MAP7: variants seen among roughly 807,000 people sequenced by gnomAD.
The protein encoded by MAP7 is ensconsin.
Under a neutral mutation model 94.8 loss-of-function variants are expected in MAP7, and 52 were observed. That is an observed-to-expected ratio of 0.55 (90% CI 0.44 to 0.69). The LOEUF (loss-of-function observed/expected upper bound fraction) is 0.69, where lower values mean the gene tolerates loss of function less well. Ranked by LOEUF, MAP7 falls within the 30% of genes least tolerant of loss-of-function variation. MAP7 has a pLI of 0.00. For missense variants in MAP7, 940 were observed against 964.6 expected (o/e 0.97, Z 0.34); for synonymous variants, 350 against 357.0 (o/e 0.98, Z 0.22).
At chr6:136,361,213 A>C (rs1273143015) in intron 11 of MAP7, 34 bp from the exon 12 acceptor site, 1 of 1,598,550 alleles carries the variant, frequency 6.3e-7, no homozygotes. Flanking sequence ...AAAACCAAAG[A>C]CACCTGAGGA....
At chr6:136,344,368 G>A (rs952386702) in intron 17 of MAP7, 130 bp from the exon 18 acceptor site, 1 of 372,714 alleles carries the variant, frequency 2.7e-6, no homozygotes, top group Non-Finnish European at 4.8e-6. Flanking sequence ...TATAAGAATA[G>A]GCAATTCTGT....
intron 1 of MAP7, among the ~76,000 whole-genome samples, chr6:136,460,998 A>G (rs1805015207): frequency 6.6e-6 from 1 of 152,196 alleles, no homozygotes; most frequent in South Asian, 2.1e-4. Context: ...CATAACTTAC[A>G]TGAAAAGGCT....
intron 17 of MAP7, among the ~76,000 whole-genome samples, chr6:136,345,645 G>A (rs1401740228): frequency 1.3e-5 from 2 of 152,212 alleles, no homozygotes; most frequent in Non-Finnish European, 2.9e-5. Context: ...CTTCTGCACT[G>A]ACTGAGAGAA....
intron 16 of MAP7, among the ~76,000 whole-genome samples, chr6:136,355,049 C>T (rs931560589): frequency 6.6e-6 from 1 of 152,062 alleles, no homozygotes; most frequent in Non-Finnish European, 1.5e-5. Context: ...TATGATGAAA[C>T]CCATCTCTAC....
chr6:136,440,204 G>A (rs567863771), intron 1 of MAP7, among the ~76,000 whole-genome samples: 1 of 152,346 alleles, frequency 6.6e-6, no homozygotes, highest in Admixed American at 6.5e-5. Context: ...AATATTTAAT[G>A]AGCAGTCACT....
chr6:136,395,177 T>C (rs1782078769), intron 3 of MAP7, among the ~76,000 whole-genome samples: 1 of 151,376 alleles, frequency 6.6e-6, no homozygotes, highest in African/African-American at 2.4e-5. Flanking sequence ...CTAATTTACA[T>C]TCCTATAGCA....
intron 7 of MAP7, 91 bp downstream of exon 7, chr6:136,377,664 C>A (rs1041592081): frequency 3.2e-6 from 3 of 943,092 alleles, no homozygotes; most frequent in Non-Finnish European, 3.4e-6. Context: ...GAGAGAAGCG[C>A]ATTTTAGGAA....
intron 1 of MAP7, among the ~76,000 whole-genome samples, chr6:136,547,487 T>C (rs1394184588): frequency 1.3e-5 from 2 of 152,116 alleles, no homozygotes; most frequent in Admixed American, 6.5e-5. Context: ...TTTGTGAATA[T>C]CACCCATCGT....
chr6:136,422,114 G>A (rs1454694154), intron 1 of MAP7, among the ~76,000 whole-genome samples: 2 of 152,154 alleles, frequency 1.3e-5, no homozygotes, highest in South Asian at 4.1e-4. Flanking sequence ...CTAAAGTCTT[G>A]GATCTGAGTT....
At chr6:136,428,208 A>G (rs1267705401) in intron 1 of MAP7, among the ~76,000 whole-genome samples, 1 of 152,190 alleles carries the variant, frequency 6.6e-6, no homozygotes, top group Non-Finnish European at 1.5e-5. Flanking sequence ...AGGTCTATAC[A>G]TGAGATTATA....
chr6:136,448,448 C>A (rs1188806358), intron 1 of MAP7, among the ~76,000 whole-genome samples: 1 of 148,430 alleles, frequency 6.7e-6, no homozygotes, highest in Non-Finnish European at 1.5e-5. Flanking sequence ...AGTTTTTGCT[C>A]TTATCGTCCA....
chr6:136,472,833 TA>T (rs141262472), intron 1 of MAP7, among the ~76,000 whole-genome samples: 8,325 of 147,844 alleles, frequency 0.056, 509 homozygotes, highest in African/African-American at 0.15. Flanking sequence ...TTAGTCTCCC[TA>T]AAAAAAAAAT....
intron 1 of MAP7, among the ~76,000 whole-genome samples, chr6:136,477,491 C>T (rs1811300579): frequency 6.6e-6 from 1 of 151,892 alleles, no homozygotes; most frequent in Admixed American, 6.6e-5. Context: ...CAATGGAAAC[C>T]CCCAAAAGAG....
At chr6:136,427,644 A>G (rs1237236923) in intron 1 of MAP7, among the ~76,000 whole-genome samples, 1 of 152,248 alleles carries the variant, frequency 6.6e-6, no homozygotes, top group Non-Finnish European at 1.5e-5. Flanking sequence ...ATAAAAAACT[A>G]AATAGGATCA....
At chr6:136,431,847 T>C (rs969080178) in intron 1 of MAP7, among the ~76,000 whole-genome samples, 1 of 152,188 alleles carries the variant, frequency 6.6e-6, no homozygotes. Context: ...AGAACCCTCA[T>C]TGGCCACTGG....
At chr6:136,539,834 G>C (rs1354428878) in intron 1 of MAP7, among the ~76,000 whole-genome samples, 2 of 152,156 alleles carry the variant, frequency 1.3e-5, no homozygotes, top group Non-Finnish European at 2.9e-5. Context: ...AACAAAATTA[G>C]CCAGGCTGAT....
At chr6:136,346,149 C>A in intron 16 of MAP7, 70 bp from the exon 17 acceptor site, 1 of 879,338 alleles carries the variant, frequency 1.1e-6, no homozygotes, top group Non-Finnish European at 1.7e-6. Flanking sequence ...ATTAGGAAAA[C>A]CAAAATGTTT....
chr6:136,515,784 A>C (rs996280628), intron 1 of MAP7, among the ~76,000 whole-genome samples: 2 of 152,218 alleles, frequency 1.3e-5, no homozygotes, highest in Non-Finnish European at 2.9e-5. Flanking sequence ...TAACAGATAG[A>C]ATAACAATGA....
At chr6:136,508,755 G>C (rs1405099130) in intron 1 of MAP7, among the ~76,000 whole-genome samples, 1 of 152,148 alleles carries the variant, frequency 6.6e-6, no homozygotes, top group Non-Finnish European at 1.5e-5. Context: ...AAATATCACA[G>C]TAAAGTTTGA....
Sources: allele counts gnomAD v4.1 joint callset (sites outside exome capture counted in the v4.1 genomes callset), GRCh38; gene constraint gnomAD v4.1.1; transcripts MANE v1.5; gene names NCBI Gene and HGNC (gene_info 2026-07-23, HGNC 2026-07-21).